Variants in IFT43 observed in about 807,000 individuals in gnomAD.
IFT43 encodes the protein intraflagellar transport protein 43 homolog.
In IFT43, 33 loss-of-function variants were observed where a neutral mutation model predicts 32.3. The ratio of observed to expected loss-of-function variants is 1.02; its 90% CI spans 0.77 to 1.37. IFT43 has a LOEUF of 1.37. IFT43 is among the 40% of genes most tolerant of loss of function. The pLI, the probability that IFT43 is intolerant of heterozygous loss-of-function variation, is 0.00. For synonymous variants in IFT43, 93 were observed against 98.2 expected (o/e 0.95, Z 0.31); for missense variants, 274 against 265.9 (o/e 1.03, Z -0.21).
chr14:76,073,660 A>G (rs2037361256), intron 5 of IFT43, among the ~76,000 whole-genome samples: 1 of 152,182 alleles, frequency 6.6e-6, no homozygotes, highest in African/African-American at 2.4e-5. Flanking sequence ...GTGATTCCTG[A>G]GTCCAAAAGT....
chr14:75,996,815 T>C (rs1566697737), intron 2 of IFT43, among the ~76,000 whole-genome samples: 1 of 152,242 alleles, frequency 6.6e-6, no homozygotes, highest in African/African-American at 2.4e-5. Flanking sequence ...AGGAGTGACC[T>C]TGGTGACCTC....
At chr14:76,048,046 C>T (rs1415951685) in intron 3 of IFT43, among the ~76,000 whole-genome samples, 1 of 151,988 alleles carries the variant, frequency 6.6e-6, no homozygotes, top group Non-Finnish European at 1.5e-5. Context: ...TTAGAAAGGC[C>T]CTTAAATGTC....
chr14:76,059,182 T>C lies in IFT43; in HGVS notation c.249-145T>C, dbSNP rs560290046. 1.1e-3 allele frequency: 1,774 copies of C among 1,582,842 alleles called. 1 individual carries two copies. The highest frequency in any genetic ancestry group is 1.4e-3 in the Non-Finnish European group (1,619 of 1,163,442). ...ACACACGGCACACCCAGTGGCCTAA[T>C]TAGGTTTGACTAAGTTGACAGAGAA... On this transcript the variant is annotated intron_variant, in intron 4 of 8. Transcript: ENST00000314067.
chr14:76,014,496 C>T (rs114137666), intron 2 of IFT43, among the ~76,000 whole-genome samples: 36 of 152,220 alleles, frequency 2.4e-4, no homozygotes, highest in African/African-American at 8.2e-4. Context: ...AGCCATTTCC[C>T]GGGGACCCTT....
At chr14:75,987,878 A>C (rs1252897561) in intron 1 of IFT43, among the ~76,000 whole-genome samples, 1 of 152,226 alleles carries the variant, frequency 6.6e-6, no homozygotes, top group African/African-American at 2.4e-5. Flanking sequence ...ATTTCCCTTA[A>C]TGTCTGTAAA....
chr14:76,009,441 CT>C (rs150674540), intron 2 of IFT43, among the ~76,000 whole-genome samples: 1,834 of 152,292 alleles, frequency 0.012, 45 homozygotes, highest in African/African-American at 0.042. Context: ...TGTATTATTT[CT>C]AATTACCTAG....
intron 2 of IFT43, among the ~76,000 whole-genome samples, chr14:76,001,292 G>GA (rs1174172831): frequency 5.9e-5 from 9 of 152,088 alleles, no homozygotes; most frequent in African/African-American, 2.2e-4. Flanking sequence ...CTTATAATTG[G>GA]AAAAAAAGTC....
chr14:76,040,374 T>C (rs775239288), intron 3 of IFT43, among the ~76,000 whole-genome samples: 2 of 152,238 alleles, frequency 1.3e-5, no homozygotes, highest in Non-Finnish European at 2.9e-5. Flanking sequence ...TATTGTGTAT[T>C]CATGTGATAG....
At chr14:76,063,724 T>C (rs1009560097) in intron 5 of IFT43, among the ~76,000 whole-genome samples, 1 of 152,206 alleles carries the variant, frequency 6.6e-6, no homozygotes, top group African/African-American at 2.4e-5. Context: ...AAAGCCTTTT[T>C]TTGGAACACC....
intron 2 of IFT43, among the ~76,000 whole-genome samples, chr14:75,991,423 G>GTA (rs1555362334): frequency 1.0e-3 from 142 of 139,954 alleles, no homozygotes; most frequent in Admixed American, 1.6e-3. Flanking sequence ...GTGTGTGTGT[G>GTA]TGTATGTATG....
intron 4 of IFT43, chr14:76,058,920 A>G (rs1295461984): frequency 3.4e-6 from 5 of 1,454,676 alleles, no homozygotes; most frequent in South Asian, 1.5e-5. Flanking sequence ...ATGTCCAGGT[A>G]TCAGGGTACT....
At chr14:76,016,155 A>G (rs1043263683) in intron 2 of IFT43, among the ~76,000 whole-genome samples, 2 of 152,138 alleles carry the variant, frequency 1.3e-5, no homozygotes, top group African/African-American at 2.4e-5. Flanking sequence ...TTTGCTGTGC[A>G]GAAGGTTTCT....
chr14:76,057,568 T>A (rs1349496177), intron 3 of IFT43, among the ~76,000 whole-genome samples: 2 of 146,618 alleles, frequency 1.4e-5, no homozygotes, highest in Non-Finnish European at 3.0e-5. Context: ...AAAAAAAAAA[T>A]GAATGTAGAA....
intron 5 of IFT43, among the ~76,000 whole-genome samples, chr14:76,062,291 C>T (rs1373756509): frequency 8.6e-5 from 13 of 151,820 alleles, no homozygotes; most frequent in African/African-American, 2.4e-4. Flanking sequence ...AGGATGGTCT[C>T]GATCTCCTGA....
chr14:76,016,566 A>G (rs2036192336), intron 2 of IFT43, among the ~76,000 whole-genome samples: 1 of 151,998 alleles, frequency 6.6e-6, no homozygotes, highest in Admixed American at 6.6e-5. Context: ...TATAAATTTT[A>G]GGGTTGTTTT....
intron 5 of IFT43, among the ~76,000 whole-genome samples, chr14:76,060,249 G>T (rs1288774164): frequency 2.0e-5 from 3 of 151,960 alleles, no homozygotes; most frequent in East Asian, 1.9e-4. Flanking sequence ...GCAGAGTCTC[G>T]CTGTGTCACC....
At position 76,067,527 on chromosome 14, in the gene IFT43, A is replaced by G. The variant is rs184481163; in HGVS notation, c.295+8154A>G. Among the ~76,000 whole-genome samples the G allele has an allele frequency of 2.6e-3, 401 of 151,974 alleles. 3 individuals are homozygous for G. Among genetic ancestry groups the G allele is most frequent in the African/African-American group, 9.2e-3 (382 of 41,428 alleles). ...GGAGGTTGCAGTGAGCCAAGATCGC[A>G]CTACCGCACTCACCACTGCACTCCA... On this transcript the variant is annotated intron_variant, in intron 5 of 8. Coordinates refer to ENST00000314067, the MANE Select transcript of IFT43 (RefSeq NM_001102564.3).
At chr14:76,038,158 A>G (rs2140001944) in intron 3 of IFT43, 1 of 152,324 alleles carries the variant, frequency 6.6e-6, no homozygotes, top group East Asian at 1.9e-4. Flanking sequence ...AGGTACCAGA[A>G]ATGAGTGTCC....
In IFT43 at chr14:75,999,266, TA is replaced by T. The variant is rs1566699578; in HGVS notation, c.147+10290del. Among the ~76,000 whole-genome samples the T allele has an allele frequency of 8.1e-3, 205 of 25,276 alleles. 10 individuals carry two copies. The highest frequency in any genetic ancestry group is 0.027 in the African/African-American group (124 of 4,548). 16.6% of individuals were successfully genotyped at this position (25,276 alleles called of 152,430 possible). On this transcript the variant is annotated intron_variant, in intron 2 of 8. Coordinates refer to ENST00000314067, the MANE Select transcript of IFT43 (RefSeq NM_001102564.3). ...ATATATATATATATATATATATATA[TA>T]TATATGTATATATATTTTTTTTTTT...
Sources: gnomAD v4.1 joint callset for allele counts (sites outside exome capture counted in the v4.1 genomes callset) on GRCh38, gnomAD v4.1.1 for gene constraint, MANE v1.5 for transcripts, NCBI Gene and HGNC (gene_info 2026-07-23, HGNC 2026-07-21) for gene names.